DLGAP1: variants seen among roughly 807,000 people sequenced by gnomAD.
DLGAP1 encodes the protein DLG associated protein 1.
Under a neutral mutation model 90.8 loss-of-function variants are expected in DLGAP1, and 11 were observed. That is an observed-to-expected ratio of 0.12 (90% CI 0.08 to 0.20). DLGAP1 has a LOEUF of 0.20. Ranked by LOEUF, DLGAP1 falls within the 10% of genes least tolerant of loss-of-function variation. The probability of loss-of-function intolerance (pLI) is 1.00; values close to 1 mark genes in which losing one functional copy is unlikely to be tolerated. For synonymous variants in DLGAP1, 558 were observed against 540.7 expected, an observed-to-expected ratio of 1.03 and a Z score of -0.44; for missense variants, 1,050 against 1,333.8, an observed-to-expected ratio of 0.79 and a Z score of 3.31.
intron 2 of DLGAP1, among the ~76,000 whole-genome samples, chr18:4,137,355 TC>T (rs1352171424): frequency 6.6e-6 from 1 of 152,184 alleles, no homozygotes; most frequent in African/African-American, 2.4e-5. Flanking sequence ...TATCCAGTTT[TC>T]CCAGCACCAT....
rs547906326 is a variant in DLGAP1, at chr18:4,436,625, T to TACA, written c.-267+18378_-267+18380dup. 4.7e-3 allele frequency among the ~76,000 whole-genome samples: 708 copies of TACA among 152,188 alleles called. 2 individuals are homozygous for TACA. Among genetic ancestry groups the TACA allele is most frequent in the African/African-American group, 0.016 (676 of 41,530 alleles). ...GTGGTCTAGAAAGGGTCCTGAGATC[T>TACA]ACACTTTTTTAAAGTTCTCTAGATG... On this transcript the variant is annotated intron_variant, in intron 1 of 12. Coordinates refer to ENST00000315677, the MANE Select transcript of DLGAP1 (RefSeq NM_004746.4).
chr18:3,944,960 T>C (rs1018070359), intron 3 of DLGAP1, among the ~76,000 whole-genome samples: 2 of 152,194 alleles, frequency 1.3e-5, no homozygotes, highest in South Asian at 2.1e-4. Context: ...AAATACACAA[T>C]TGGGTGGCCT....
At chr18:4,385,665 A>C (rs2082215845) in intron 1 of DLGAP1, among the ~76,000 whole-genome samples, 1 of 152,170 alleles carries the variant, frequency 6.6e-6, no homozygotes, top group African/African-American at 2.4e-5. Context: ...TAGGAAAAGA[A>C]ATCTACAGAT....
chr18:4,355,024 G>A (rs2144027002), intron 1 of DLGAP1, among the ~76,000 whole-genome samples: 1 of 151,626 alleles, frequency 6.6e-6, no homozygotes, highest in South Asian at 2.1e-4. Context: ...CACATTGCTA[G>A]CGAAAATGTA....
At chr18:3,591,324 G>A (rs2056231981) in intron 7 of DLGAP1, among the ~76,000 whole-genome samples, 1 of 152,124 alleles carries the variant, frequency 6.6e-6, no homozygotes, top group African/African-American at 2.4e-5. Context: ...AATACAGAAT[G>A]GGAACGATTG....
chr18:4,181,183 GA>G (rs1236812591), intron 1 of DLGAP1, among the ~76,000 whole-genome samples: 1 of 152,060 alleles, frequency 6.6e-6, no homozygotes, highest in Non-Finnish European at 1.5e-5. Flanking sequence ...GTTTATAAAT[GA>G]AATGTTAAAA....
At chr18:4,453,642 T>C (rs2083890488) in intron 1 of DLGAP1, among the ~76,000 whole-genome samples, 1 of 152,230 alleles carries the variant, frequency 6.6e-6, no homozygotes, top group Non-Finnish European at 1.5e-5. Flanking sequence ...CTCATCTCCA[T>C]GTCTAACCAC....
intron 8 of DLGAP1, chr18:3,571,282 T>G (rs530011693): frequency 6.6e-6 from 1 of 151,996 alleles, no homozygotes; most frequent in East Asian, 2.0e-4. Flanking sequence ...ATCCCATTAG[T>G]GATCAGCAGG....
At chr18:4,287,544 G>A (rs1326056588) in intron 1 of DLGAP1, among the ~76,000 whole-genome samples, 1 of 152,142 alleles carries the variant, frequency 6.6e-6, no homozygotes, top group East Asian at 1.9e-4. Context: ...TCCTTTGCAG[G>A]GACGTGGATG....
intron 3 of DLGAP1, among the ~76,000 whole-genome samples, chr18:3,932,010 C>G (rs1021419744): frequency 6.6e-6 from 1 of 152,162 alleles, no homozygotes; most frequent in Admixed American, 6.5e-5. Flanking sequence ...GCTTTCTTAC[C>G]TGCACATCTC....
chr18:4,363,054 G>C (rs750410919), intron 1 of DLGAP1, among the ~76,000 whole-genome samples: 1 of 152,086 alleles, frequency 6.6e-6, no homozygotes, highest in African/African-American at 2.4e-5. Flanking sequence ...TGCAACTCTA[G>C]TTGGAGCAAG....
intron 3 of DLGAP1, among the ~76,000 whole-genome samples, chr18:3,936,087 C>G (rs2072630911): frequency 6.6e-6 from 1 of 152,190 alleles, no homozygotes; most frequent in Non-Finnish European, 1.5e-5. Context: ...GAGTCTTAAC[C>G]TGTGACAGGG....
chr18:3,508,469 G>T, intron 11 of DLGAP1, 101 bp downstream of exon 11: 1 of 695,878 alleles, frequency 1.4e-6, no homozygotes, highest in South Asian at 2.9e-5. Context: ...AATGGACCTT[G>T]ACTTGGTTCA....
At chr18:4,452,965 AATCTT>A (rs1165575320) in intron 1 of DLGAP1, among the ~76,000 whole-genome samples, 1 of 152,212 alleles carries the variant, frequency 6.6e-6, no homozygotes, top group East Asian at 1.9e-4. Flanking sequence ...TTTGCAGACT[AATCTT>A]AGAATGAAAT....
At chr18:3,558,664 T>C (rs2053899329) in intron 9 of DLGAP1, among the ~76,000 whole-genome samples, 1 of 152,238 alleles carries the variant, frequency 6.6e-6, no homozygotes, top group Non-Finnish European at 1.5e-5. Context: ...GTCTGCTCTG[T>C]CTGAGATTAA....
intron 2 of DLGAP1, among the ~76,000 whole-genome samples, chr18:4,108,165 G>C (rs1330239798): frequency 6.6e-6 from 1 of 152,020 alleles, no homozygotes; most frequent in African/African-American, 2.4e-5. Flanking sequence ...TAAAACACAG[G>C]AAGACCACTC....
At chr18:3,629,521 A>T (rs1021924298) in intron 7 of DLGAP1, among the ~76,000 whole-genome samples, 4 of 151,894 alleles carry the variant, frequency 2.6e-5, no homozygotes, top group Non-Finnish European at 5.9e-5. Flanking sequence ...AATACAAAAA[A>T]ATTAGCCGGG....
intron 4 of DLGAP1, 84 bp from the exon 5 acceptor site, chr18:3,814,357 T>A (rs1418735728): frequency 1.8e-5 from 23 of 1,291,728 alleles, no homozygotes; most frequent in Non-Finnish European, 2.4e-5. Flanking sequence ...GATTTAACAT[T>A]TCTATTTTTT....
intron 5 of DLGAP1, among the ~76,000 whole-genome samples, chr18:3,766,619 A>G (rs2064257334): frequency 6.6e-6 from 1 of 152,208 alleles, no homozygotes; most frequent in Non-Finnish European, 1.5e-5. Context: ...AAATATACAT[A>G]GTGTATTCTA....
Sources: gnomAD v4.1 joint callset for allele counts (sites outside exome capture counted in the v4.1 genomes callset) on GRCh38, gnomAD v4.1.1 for gene constraint, MANE v1.5 for transcripts, NCBI Gene and HGNC (gene_info 2026-07-23, HGNC 2026-07-21) for gene names.